AK5: variants seen among roughly 807,000 people sequenced by gnomAD.
The protein encoded by AK5 is adenylate kinase 5.
A neutral mutation model predicts 69.5 loss-of-function variants in AK5; 27 were observed. The ratio of observed to expected loss-of-function variants is 0.39; its 90% CI spans 0.29 to 0.54. The LOEUF is 0.54. AK5 is among the 20% of genes least tolerant of loss of function. The pLI is 0.71. For missense variants in AK5, 531 were observed against 700.4 expected, an observed-to-expected ratio of 0.76 and a Z score of 2.73; for synonymous variants, 260 against 244.4, an observed-to-expected ratio of 1.06 and a Z score of -0.60.
chr1:77,559,519 A>C lies in AK5; in HGVS notation c.*849A>C, dbSNP rs1232769140. 6.7e-6 allele frequency: 1 copy of C among 149,046 alleles called. No homozygotes were observed. Among genetic ancestry groups the C allele is most frequent in the Non-Finnish European group, 1.5e-5 (1 of 67,306 alleles). 9.2% of individuals were successfully genotyped at this position (149,046 alleles called of 1,614,324 possible). A position where few individuals can be genotyped will look rare whatever the true frequency, so the allele number is the denominator to read the frequency against. On this transcript the variant is annotated 3_prime_UTR_variant, in exon 14 of 14. Coordinates refer to ENST00000354567, the MANE Select transcript of AK5 (RefSeq NM_174858.3). ...ATTCATTGGGCACATATCAAATTAT[A>C]ATTTTGATTTTAAATGGTCACCCAT... is the stretch of plus-strand genomic sequence containing the variant.
At chr1:77,555,251 C>CT (rs1660039186) in intron 13 of AK5, among the ~76,000 whole-genome samples, 1 of 152,170 alleles carries the variant, frequency 6.6e-6, no homozygotes, top group Non-Finnish European at 1.5e-5. Flanking sequence ...GCACTCCAGC[C>CT]TGGGTGACAG....
intron 6 of AK5, among the ~76,000 whole-genome samples, chr1:77,392,837 C>T (rs1441355139): frequency 1.3e-5 from 2 of 151,976 alleles, no homozygotes; most frequent in Admixed American, 6.5e-5. Context: ...GTTGTAGTTT[C>T]TCATTCCAAA....
intron 6 of AK5, among the ~76,000 whole-genome samples, chr1:77,351,248 A>C (rs952142822): frequency 2.0e-5 from 3 of 151,972 alleles, no homozygotes; most frequent in African/African-American, 7.3e-5. Context: ...ACAAAAAATT[A>C]GTTGGGCATG....
intron 8 of AK5, among the ~76,000 whole-genome samples, chr1:77,432,969 T>A (rs1023369845): frequency 6.6e-6 from 1 of 152,216 alleles, no homozygotes; most frequent in Non-Finnish European, 1.5e-5. Context: ...GGCTTGCAGT[T>A]TGAATTCTCT....
rs931351199 is a variant in AK5 at position 77,376,523 on chromosome 1, G to A, written c.892-34458G>A. Among the ~76,000 whole-genome samples, 14 of 148,936 alleles carry A rather than the reference G, an allele frequency of 9.4e-5. No homozygotes were observed. The East Asian group carries it at 2.6e-3, about 27-fold the overall frequency. On this transcript the variant is annotated intron_variant, in intron 6 of 13. Transcript: ENST00000354567. The stretch of plus-strand genomic sequence containing the variant: ...GAGTAGTGCATGTAACTATTTCTAT[G>A]GGTCTTCTCTTTGATTTTTTTTCTC...
intron 6 of AK5, among the ~76,000 whole-genome samples, chr1:77,403,552 G>A (rs546794733): frequency 6.6e-6 from 1 of 152,292 alleles, no homozygotes; most frequent in East Asian, 1.9e-4. Flanking sequence ...ATTAAATAGG[G>A]AATCCTTTCC....
intron 5 of AK5, among the ~76,000 whole-genome samples, chr1:77,324,318 CGTGTGTGT>C (rs10547281): frequency 0.28 from 41,775 of 148,678 alleles, 6,176 homozygotes; most frequent in Non-Finnish European, 0.35. Flanking sequence ...TCACCATTTG[CGTGTGTGT>C]GTGTGTGTGT....
chr1:77,351,215 G>A (rs753964995), intron 6 of AK5, among the ~76,000 whole-genome samples: 4 of 152,006 alleles, frequency 2.6e-5, no homozygotes, highest in Admixed American at 6.5e-5. Context: ...GCAACATGGC[G>A]AAACCCCATC....
intron 13 of AK5, among the ~76,000 whole-genome samples, chr1:77,551,036 A>G (rs557354693): frequency 5.3e-5 from 8 of 152,124 alleles, no homozygotes; most frequent in African/African-American, 1.9e-4. Context: ...AATTAGCTGG[A>G]CGTGGTGGCA....
chr1:77,558,522 C>T (rs1181675560), intron 13 of AK5, 80 bp from the exon 14 acceptor site: 2 of 886,616 alleles, frequency 2.3e-6, no homozygotes, highest in East Asian at 2.5e-5. Context: ...AAATTATGAG[C>T]AAGTGATAGT....
At chr1:77,283,293 G>C (rs374012485) in intron 1 of AK5, 11 of 985,384 alleles carry the variant, frequency 1.1e-5, no homozygotes, top group Admixed American at 6.1e-5. Context: ...CTTGAAGTAG[G>C]GGGGAGGAGG....
chr1:77,367,820 A>ATTATATATAACATATG (rs1647014682), intron 6 of AK5, among the ~76,000 whole-genome samples: 3 of 32,630 alleles, frequency 9.2e-5, no homozygotes, highest in African/African-American at 4.5e-4. Flanking sequence ...TGTTATATAT[A>ATTATATATAACATATG]TTATATATAA....
intron 8 of AK5, among the ~76,000 whole-genome samples, chr1:77,439,792 GTATATGTA>G: frequency 6.7e-6 from 1 of 149,758 alleles, no homozygotes; most frequent in South Asian, 2.1e-4. Flanking sequence ...ATGTATACAT[GTATATGTA>G]TATACATACA....
intron 8 of AK5, among the ~76,000 whole-genome samples, chr1:77,434,107 C>CATAAATAAATAA (rs144552494): frequency 2.1e-5 from 3 of 143,506 alleles, no homozygotes; most frequent in African/African-American, 7.7e-5. Flanking sequence ...GAGTGCAAAG[C>CATAAATAAATAA]ATAAATAAAT....
chr1:77,330,610 T>G (rs1274405112), intron 5 of AK5, among the ~76,000 whole-genome samples: 1 of 152,226 alleles, frequency 6.6e-6, no homozygotes, highest in East Asian at 1.9e-4. Flanking sequence ...TTCTACTAGT[T>G]TTCCTTACAG....
intron 12 of AK5, among the ~76,000 whole-genome samples, chr1:77,534,486 G>GT (rs1350213045): frequency 1.7e-4 from 26 of 152,302 alleles, no homozygotes; most frequent in African/African-American, 6.0e-4. Flanking sequence ...GGAAATAAGC[G>GT]TAACAGTGAA....
At chr1:77,543,460 A>T (rs892582302) in intron 13 of AK5, among the ~76,000 whole-genome samples, 19 of 89,842 alleles carry the variant, frequency 2.1e-4, no homozygotes, top group African/African-American at 5.2e-4. Context: ...CACAAATGAC[A>T]GTTTGACTGG....
chr1:77,337,960 TTTTTA>T (rs1440668766), intron 5 of AK5, among the ~76,000 whole-genome samples: 6 of 121,424 alleles, frequency 4.9e-5, no homozygotes, highest in Admixed American at 3.5e-4. Flanking sequence ...CAATGTTTTC[TTTTTA>T]TTTTTTTTTT....
chr1:77,478,930 T>G (rs1292348771), intron 8 of AK5, among the ~76,000 whole-genome samples: 1 of 150,648 alleles, frequency 6.6e-6, no homozygotes, highest in Non-Finnish European at 1.5e-5. Flanking sequence ...AAAAGTAGTT[T>G]TTTTTTTTTT....
Sources: allele counts gnomAD v4.1 joint callset (sites outside exome capture counted in the v4.1 genomes callset), GRCh38; gene constraint gnomAD v4.1.1; transcripts MANE v1.5; gene names NCBI Gene and HGNC (gene_info 2026-07-23, HGNC 2026-07-21).